GGNBP2: variants seen among roughly 807,000 people sequenced by gnomAD.
The protein encoded by GGNBP2 is gametogenetin binding protein 2.
Under a neutral mutation model 85.9 loss-of-function variants are expected in GGNBP2, and 10 were observed. That is an observed-to-expected ratio of 0.12 (90% confidence interval 0.07 to 0.20). The LOEUF (loss-of-function observed/expected upper bound fraction) is 0.20. GGNBP2 is among the 10% of genes least tolerant of loss of function. GGNBP2 has a pLI of 1.00. For missense variants in GGNBP2, 595 were observed against 857.8 expected (o/e 0.69, Z 3.83); for synonymous variants, 287 against 285.7 (o/e 1.00, Z -0.05).
At chr17:36,557,549 A>G (rs1193860075) in intron 4 of GGNBP2, among the ~76,000 whole-genome samples, 2 of 152,162 alleles carry the variant, frequency 1.3e-5, no homozygotes, top group African/African-American at 4.8e-5. Flanking sequence ...GATAAGTTAG[A>G]AAAATCAGTA....
intron 12 of GGNBP2, chr17:36,586,459 TAAAC>T (rs2074702693): frequency 4.3e-6 from 2 of 463,244 alleles, no homozygotes; most frequent in South Asian, 2.7e-5. Context: ...TGTGTAATCT[TAAAC>T]AATTTGTTTA....
chr17:36,589,831 T>C lies in GGNBP2; in HGVS notation c.*420T>C, dbSNP rs1245561378. ...CAAAATTTAAAATAAAGAATATTTA[T>C]TAATACGCACAGTAAAATTTGCTGT... On this transcript the variant is annotated 3_prime_UTR_variant, in exon 14 of 14. Transcript: ENST00000613102. The C allele has an allele frequency of 5.6e-6, 1 of 177,662 alleles. No individual in the cohort carries two copies. The highest frequency in any genetic ancestry group is 1.2e-5 in the Non-Finnish European group (1 of 83,692). The allele number at this position is 177,662 out of a possible 1,614,324, so 11.0% of individuals were successfully genotyped here.
chr17:36,570,316 TG>T (rs1193804327), intron 6 of GGNBP2, among the ~76,000 whole-genome samples: 1 of 152,144 alleles, frequency 6.6e-6, no homozygotes, highest in African/African-American at 2.4e-5. Flanking sequence ...AGGTTGAAGG[TG>T]CACCATGATC....
At chr17:36,548,101 C>G (rs761547171) in intron 2 of GGNBP2, among the ~76,000 whole-genome samples, 1 of 152,174 alleles carries the variant, frequency 6.6e-6, no homozygotes, top group Non-Finnish European at 1.5e-5. Context: ...GTCTTTGTCC[C>G]TAGGGTCTGT....
intron 6 of GGNBP2, among the ~76,000 whole-genome samples, chr17:36,576,013 A>G: frequency 6.6e-6 from 1 of 150,632 alleles, no homozygotes; most frequent in Non-Finnish European, 1.5e-5. Flanking sequence ...GCATGAAACA[A>G]AGATATGGCA....
In GGNBP2 at chr17:36,560,723, A is replaced by C. The variant is rs201322373; in HGVS notation, c.429-50A>C. 7 of 1,094,576 alleles carry C rather than the reference A, an allele frequency of 6.4e-6. No homozygotes were observed. The East Asian group carries it at 1.5e-4, about 23-fold the overall frequency. The allele number at this position is 1,094,576 out of a possible 1,614,324, so 67.8% of individuals were successfully genotyped here. On this transcript the variant is annotated intron_variant, in intron 4 of 13. Transcript: ENST00000613102. Reference sequence around the variant, plus strand: ...AAAGACAGTAAATAGAGATTTTAAAATTTGAAAGTAAAATGAATTAAACCC... The same window carrying C: ...AAAGACAGTAAATAGAGATTTTAAACTTTGAAAGTAAAATGAATTAAACCC...
At chr17:36,556,950 C>A in intron 3 of GGNBP2, 133 bp from the exon 4 acceptor site, 1 of 983,340 alleles carries the variant, frequency 1.0e-6, no homozygotes, top group Non-Finnish European at 1.5e-6. Flanking sequence ...GCCTTTCTGA[C>A]TCAGTTGCAG....
chr17:36,585,019 C>G (rs980984983), intron 9 of GGNBP2, among the ~76,000 whole-genome samples: 1 of 151,402 alleles, frequency 6.6e-6, no homozygotes, highest in Non-Finnish European at 1.5e-5. Flanking sequence ...AATATTTTTA[C>G]AGCTTCCTCA....
chr17:36,572,221 A>G lies in GGNBP2; in HGVS notation c.641+4445A>G, dbSNP rs191500701. 1.8e-3 allele frequency among the ~76,000 whole-genome samples: 281 copies of G among 152,272 alleles called. 8 individuals are homozygous for G. Among genetic ancestry groups the G allele is most frequent in the Admixed American group, 0.016 (251 of 15,302 alleles). The stretch of plus-strand genomic sequence containing the variant: ...GAGTATAAAGCAGTAAAATAGGGGG[A>G]AAATATTTCAAGTTTTATTATTGTT... On this transcript the variant is annotated intron_variant, in intron 6 of 13. Coordinates refer to ENST00000613102, the MANE Select transcript of GGNBP2 (RefSeq NM_024835.5).
chr17:36,546,269 A>C, intron 2 of GGNBP2: 1 of 271,880 alleles, frequency 3.7e-6, no homozygotes. Flanking sequence ...CATAAGCTTA[A>C]TTACTGGGGG....
chr17:36,586,563 A>G (rs1028062017), intron 12 of GGNBP2: 1 of 263,210 alleles, frequency 3.8e-6, no homozygotes, highest in Non-Finnish European at 7.3e-6. Context: ...TGCCTGGTAA[A>G]ATAAAATGAA....
At chr17:36,563,179 T>G (rs1293562708) in intron 5 of GGNBP2, among the ~76,000 whole-genome samples, 1 of 151,866 alleles carries the variant, frequency 6.6e-6, no homozygotes, top group Non-Finnish European at 1.5e-5. Flanking sequence ...GGCAGGAGAA[T>G]CGCTTGAATC....
At chr17:36,546,985 A>G (rs1431737701) in intron 2 of GGNBP2, 1 of 152,242 alleles carries the variant, frequency 6.6e-6, no homozygotes, top group Non-Finnish European at 1.5e-5. Flanking sequence ...TAGAAGAGCT[A>G]TTGAATGACT....
intron 6 of GGNBP2, chr17:36,575,126 T>C (rs2074563512): frequency 4.1e-6 from 3 of 740,376 alleles, no homozygotes; most frequent in South Asian, 1.5e-5. Context: ...GATCTTCATG[T>C]GCTTGACCAG....
intron 2 of GGNBP2, among the ~76,000 whole-genome samples, chr17:36,548,956 T>C (rs1053471420): frequency 1.3e-5 from 2 of 151,576 alleles, no homozygotes; most frequent in Non-Finnish European, 1.5e-5. Context: ...AAAAAAAAAA[T>C]AGCCTCTTCT....
At chr17:36,575,112 A>AGGATC in intron 6 of GGNBP2, 1 of 769,974 alleles carries the variant, frequency 1.3e-6, no homozygotes, top group Middle Eastern at 3.4e-4. Context: ...TCCTCCAGGG[A>AGGATC]CTTGATCTTC....
At chr17:36,584,526 C>CG (rs1054500453) in intron 9 of GGNBP2, among the ~76,000 whole-genome samples, 12 of 152,208 alleles carry the variant, frequency 7.9e-5, no homozygotes, top group African/African-American at 2.4e-4. Flanking sequence ...TTAGTAGAGA[C>CG]GGGGTCTCAC....
chr17:36,552,625 C>G (rs568200431), intron 2 of GGNBP2, among the ~76,000 whole-genome samples: 1 of 152,234 alleles, frequency 6.6e-6, no homozygotes, highest in South Asian at 2.1e-4. Flanking sequence ...AGAAGGAAAA[C>G]TAGAAACAAG....
At chr17:36,575,614 AT>A (rs2074569215) in intron 6 of GGNBP2, among the ~76,000 whole-genome samples, 1 of 54,988 alleles carries the variant, frequency 1.8e-5, no homozygotes, top group African/African-American at 1.3e-4. Context: ...CTAATGTAAC[AT>A]ATATATATAT....
Sources: gnomAD v4.1 joint callset for allele counts (sites outside exome capture counted in the v4.1 genomes callset) on GRCh38, gnomAD v4.1.1 for gene constraint, MANE v1.5 for transcripts, NCBI Gene and HGNC (gene_info 2026-07-23, HGNC 2026-07-21) for gene names.